The following RBFOX1 variants were observed in gnomAD, a reference collection of about 807,000 sequenced individuals.
The protein encoded by RBFOX1 is RNA binding fox-1 homolog 1.
In RBFOX1, 8 loss-of-function variants were observed where a neutral mutation model predicts 57.7. The ratio of observed to expected loss-of-function variants is 0.14; its 90% confidence interval spans 0.08 to 0.25. The LOEUF is 0.25. Among genes scored for constraint, RBFOX1 ranks in the 10% least tolerant of loss-of-function variants. RBFOX1 has a pLI of 1.00. For synonymous variants in RBFOX1, 326 were observed against 222.4 expected (o/e 1.47, Z -4.15); for missense variants, 611 against 548.5 (o/e 1.11, Z -1.14).
At chr16:6,186,141 T>C (rs570491426) in intron 1 of RBFOX1, among the ~76,000 whole-genome samples, 1 of 152,334 alleles carries the variant, frequency 6.6e-6, no homozygotes, top group African/African-American at 2.4e-5. Flanking sequence ...CTGTGATCTG[T>C]AAACTCAACA....
chr16:7,344,348 A>G (rs1270057756), intron 4 of RBFOX1, among the ~76,000 whole-genome samples: 4 of 150,204 alleles, frequency 2.7e-5, no homozygotes, highest in Non-Finnish European at 5.9e-5. Context: ...TTACATGATT[A>G]TTTTATATTT....
At chr16:6,580,258 G>T (rs1894858) in intron 2 of RBFOX1, among the ~76,000 whole-genome samples, 1 of 151,928 alleles carries the variant, frequency 6.6e-6, no homozygotes, top group South Asian at 2.1e-4. Flanking sequence ...TGCCCGGCCA[G>T]GCCTGTTCAT....
intron 3 of RBFOX1, among the ~76,000 whole-genome samples, chr16:6,715,221 G>C (rs540022763): frequency 3.3e-5 from 5 of 151,654 alleles, no homozygotes; most frequent in South Asian, 2.1e-4. Flanking sequence ...CACACACACA[G>C]AACAATGAAT....
chr16:6,761,519 T>TTTTTTTG (rs2076596035), intron 3 of RBFOX1, among the ~76,000 whole-genome samples: 1 of 130,442 alleles, frequency 7.7e-6, no homozygotes, highest in Non-Finnish European at 1.6e-5. Flanking sequence ...TTTTTTTTTT[T>TTTTTTTG]TTTTTTGAGA....
chr16:5,870,560 C>A (rs932426271), intron 4 of RBFOX1, among the ~76,000 whole-genome samples: 1 of 151,410 alleles, frequency 6.6e-6, no homozygotes, highest in African/African-American at 2.4e-5. Context: ...AATAGTCTTC[C>A]TTCCTTCATT....
intron 4 of RBFOX1, among the ~76,000 whole-genome samples, chr16:7,516,904 A>G (rs2076479929): frequency 6.6e-6 from 1 of 151,444 alleles, no homozygotes; most frequent in African/African-American, 2.4e-5. Flanking sequence ...GAGAAAGAGG[A>G]TTTCGGATGT....
At chr16:7,257,764 C>A (rs1180222628) in intron 4 of RBFOX1, among the ~76,000 whole-genome samples, 1 of 152,168 alleles carries the variant, frequency 6.6e-6, no homozygotes, top group Non-Finnish European at 1.5e-5. Context: ...TAGAACTCTG[C>A]AGATTTGAAT....
chr16:7,187,516 C>T (rs1014768465), intron 4 of RBFOX1, among the ~76,000 whole-genome samples: 69 of 150,800 alleles, frequency 4.6e-4, no homozygotes, highest in Admixed American at 1.4e-3. Context: ...AGTGAAACCC[C>T]ATCTCTACTA....
intron 1 of RBFOX1, among the ~76,000 whole-genome samples, chr16:6,272,525 C>T (rs994053913): frequency 1.3e-5 from 2 of 152,110 alleles, no homozygotes; most frequent in African/African-American, 4.8e-5. Context: ...AATGGATAAA[C>T]AGATTTAATA....
intron 2 of RBFOX1, among the ~76,000 whole-genome samples, chr16:6,642,835 A>G (rs1270464639): frequency 1.3e-5 from 2 of 152,164 alleles, no homozygotes; most frequent in Non-Finnish European, 2.9e-5. Context: ...CCAAATGTTT[A>G]TAAAGTCAGC....
chr16:7,648,668 CAGAG>C (rs2064265300), intron 11 of RBFOX1, among the ~76,000 whole-genome samples: 1 of 152,128 alleles, frequency 6.6e-6, no homozygotes, highest in Non-Finnish European at 1.5e-5. Context: ...GCTGGGTTGT[CAGAG>C]AGCATGGTCT....
intron 13 of RBFOX1, among the ~76,000 whole-genome samples, chr16:7,665,440 C>G (rs1018888065): frequency 1.3e-5 from 2 of 152,282 alleles, no homozygotes; most frequent in South Asian, 4.1e-4. Flanking sequence ...TAGACATGGA[C>G]AAGTTTAGCC....
intron 3 of RBFOX1, among the ~76,000 whole-genome samples, chr16:5,667,278 A>G (rs1411948883): frequency 6.6e-6 from 1 of 152,084 alleles, no homozygotes; most frequent in African/African-American, 2.4e-5. Flanking sequence ...AGCTATAGCT[A>G]TTTGCCCTTT....
At chr16:5,786,037 G>T (rs2054489968) in intron 3 of RBFOX1, among the ~76,000 whole-genome samples, 1 of 152,058 alleles carries the variant, frequency 6.6e-6, no homozygotes, top group South Asian at 2.1e-4. Context: ...TAGGATCCTT[G>T]GATCATGTCA....
intron 4 of RBFOX1, among the ~76,000 whole-genome samples, chr16:7,387,616 A>C (rs2097906600): frequency 6.6e-6 from 1 of 152,152 alleles, no homozygotes; most frequent in Admixed American, 6.5e-5. Context: ...ATGGTCAAGC[A>C]TTGCAAAAGC....
At chr16:6,552,016 C>A (rs548650648) in intron 2 of RBFOX1, among the ~76,000 whole-genome samples, 4 of 152,162 alleles carry the variant, frequency 2.6e-5, no homozygotes, top group African/African-American at 9.7e-5. Flanking sequence ...TCTATTAGTT[C>A]AGCAGGAGAG....
In RBFOX1 at chr16:5,664,192, G is replaced by T. The variant is rs1428988076; in HGVS notation, c.318+65231G>T. Among the ~76,000 whole-genome samples, 6 of 152,216 alleles carry T rather than the reference G, an allele frequency of 3.9e-5. No individual in the cohort carries two copies. The East Asian group carries it at 1.2e-3, about 29-fold the overall frequency. On this transcript the variant is annotated intron_variant, in intron 3 of 19. Transcript: ENST00000641259. ...TAAATAATCACATCTTTAAGGAACT[G>T]CATCTCTTGACTTGGGGGTTCTCGA... is the stretch of plus-strand genomic sequence containing the variant.
chr16:6,815,413 A>G (rs1293994864), intron 3 of RBFOX1, among the ~76,000 whole-genome samples: 3 of 151,918 alleles, frequency 2.0e-5, no homozygotes, highest in African/African-American at 7.3e-5. Context: ...ACTTTACCTA[A>G]CCCCTTTTCA....
At chr16:7,046,573 CTCTT>C (rs2048022018) in intron 3 of RBFOX1, among the ~76,000 whole-genome samples, 1 of 147,918 alleles carries the variant, frequency 6.8e-6, no homozygotes, top group South Asian at 2.2e-4. Flanking sequence ...CCACGTATGC[CTCTT>C]TGTTTCTGTA....
Sources: gnomAD v4.1 joint callset for allele counts (sites outside exome capture counted in the v4.1 genomes callset) on GRCh38, gnomAD v4.1.1 for gene constraint, MANE v1.5 for transcripts, NCBI Gene and HGNC (gene_info 2026-07-23, HGNC 2026-07-21) for gene names.